The following RABGAP1 variants were observed in gnomAD, a reference collection of about 807,000 sequenced individuals.
RABGAP1 encodes rab GTPase-activating protein 1.
In RABGAP1, 23 loss-of-function variants were observed where a neutral mutation model predicts 137.6. The observed-to-expected ratio is 0.17, with a 90% CI of 0.12 to 0.24. RABGAP1 has a LOEUF of 0.24. RABGAP1 is among the 10% of genes least tolerant of loss of function. The pLI is 1.00. For missense variants in RABGAP1, 906 were observed against 1,275.8 expected (o/e 0.71, Z 4.42); for synonymous variants, 451 against 450.7 (o/e 1.00, Z -0.01).
At chr9:123,052,826 G>A (rs1191098366) in intron 13 of RABGAP1, among the ~76,000 whole-genome samples, 1 of 152,330 alleles carries the variant, frequency 6.6e-6, no homozygotes, top group East Asian at 1.9e-4. Context: ...TGTAATCCCA[G>A]CTACTTGGGA....
chr9:123,091,908 C>T (rs1472546409), intron 21 of RABGAP1, among the ~76,000 whole-genome samples: 3 of 152,084 alleles, frequency 2.0e-5, no homozygotes, highest in South Asian at 4.1e-4. Flanking sequence ...TCATTCTCTC[C>T]CTGTTCGGGT....
At chr9:122,954,212 G>A (rs1834396752) in intron 1 of RABGAP1, among the ~76,000 whole-genome samples, 1 of 152,196 alleles carries the variant, frequency 6.6e-6, no homozygotes, top group Admixed American at 6.5e-5. Flanking sequence ...CAGAAGTGCA[G>A]CAAGTTCTGG....
chr9:123,097,143 A>G (rs1009712019), intron 21 of RABGAP1, among the ~76,000 whole-genome samples: 9 of 152,118 alleles, frequency 5.9e-5, no homozygotes, highest in African/African-American at 2.2e-4. Context: ...AAAGTATATC[A>G]TTTTCACTAG....
intron 13 of RABGAP1, among the ~76,000 whole-genome samples, chr9:123,044,144 C>A (rs1240490261): frequency 6.6e-6 from 1 of 152,014 alleles, no homozygotes; most frequent in Non-Finnish European, 1.5e-5. Context: ...ACCTCGTGAT[C>A]CGCCCATCTC....
At chr9:123,006,933 T>C (rs2030331133) in intron 10 of RABGAP1, among the ~76,000 whole-genome samples, 1 of 152,108 alleles carries the variant, frequency 6.6e-6, no homozygotes, top group Admixed American at 6.5e-5. Context: ...TAATATGTTT[T>C]TATATCTGGT....
chr9:122,974,213 T>C (rs1274738711), intron 2 of RABGAP1, among the ~76,000 whole-genome samples: 1 of 152,030 alleles, frequency 6.6e-6, no homozygotes, highest in Non-Finnish European at 1.5e-5. Flanking sequence ...TGTGAGAATG[T>C]AATTGTTGCC....
chr9:122,982,350 CAT>C (rs1011213246), intron 2 of RABGAP1, among the ~76,000 whole-genome samples: 7 of 152,148 alleles, frequency 4.6e-5, no homozygotes, highest in African/African-American at 1.7e-4. Context: ...AAGGTATAAA[CAT>C]GTTTTCTTTT....
intron 21 of RABGAP1, among the ~76,000 whole-genome samples, chr9:123,095,226 CAAAAAAAAAAAAAAA>C (rs55675466): frequency 1.6e-5 from 1 of 61,252 alleles, no homozygotes; most frequent in Non-Finnish European, 3.1e-5. Flanking sequence ...AACCTTGTCC[CAAAAAAAAAAAAAAA>C]AAAAAAAAAA....
chr9:122,934,401 T>A, the RABGAP1 span, among the ~76,000 whole-genome samples: 3 of 152,202 alleles, frequency 2.0e-5, no homozygotes, highest in Non-Finnish European at 4.4e-5. Flanking sequence ...TTTCAATCTA[T>A]TTGTGTCTTT....
intron 22 of RABGAP1, 74 bp downstream of exon 22, chr9:123,097,919 T>C: frequency 1.5e-6 from 2 of 1,305,134 alleles, no homozygotes; most frequent in Non-Finnish European, 2.1e-6. Flanking sequence ...GGCTTCCTGT[T>C]GGCACTAGAA....
intron 19 of RABGAP1, among the ~76,000 whole-genome samples, chr9:123,078,246 GA>G (rs368552501): frequency 2.8e-3 from 409 of 144,524 alleles, no homozygotes; most frequent in African/African-American, 7.9e-3. Context: ...TAGTGGATTA[GA>G]AAAAAAAAAG....
intron 19 of RABGAP1, among the ~76,000 whole-genome samples, chr9:123,084,523 C>A (rs143646449): frequency 4.6e-5 from 7 of 152,330 alleles, no homozygotes; most frequent in Non-Finnish European, 1.0e-4. Flanking sequence ...AGCAGAGATT[C>A]TGATTTTGGC....
At chr9:123,016,477 A>G (rs118123602) in intron 12 of RABGAP1, among the ~76,000 whole-genome samples, 2,434 of 152,328 alleles carry the variant, frequency 0.016, 36 homozygotes, top group South Asian at 0.066. Context: ...ACTGCACTCC[A>G]GCCTGGGTGA....
chr9:123,034,916 T>C, intron 13 of RABGAP1: 1 of 1,613,270 alleles, frequency 6.2e-7, no homozygotes, highest in African/African-American at 1.3e-5. Flanking sequence ...AGCGTCTCCA[T>C]GGCTTCTCTG....
chr9:123,090,012 C>T (rs775890759), intron 20 of RABGAP1, among the ~76,000 whole-genome samples, 162 bp downstream of exon 20: 2 of 152,140 alleles, frequency 1.3e-5, no homozygotes, highest in Non-Finnish European at 2.9e-5. Context: ...TGCTTCAAAC[C>T]AGCTGCCTGG....
At chr9:122,980,254 G>C (rs546051010) in intron 2 of RABGAP1, among the ~76,000 whole-genome samples, 4 of 152,150 alleles carry the variant, frequency 2.6e-5, no homozygotes, top group Non-Finnish European at 5.9e-5. Context: ...ATACCATTAA[G>C]GACCCAATTT....
chr9:122,933,648 A>G, the RABGAP1 span, among the ~76,000 whole-genome samples: 7 of 151,760 alleles, frequency 4.6e-5, no homozygotes, highest in African/African-American at 1.2e-4. Flanking sequence ...ATTTTCTGTG[A>G]CAGAGTCTTG....
intron 13 of RABGAP1, among the ~76,000 whole-genome samples, chr9:123,055,136 T>C (rs1199641015): frequency 6.6e-6 from 1 of 152,186 alleles, no homozygotes; most frequent in Non-Finnish European, 1.5e-5. Flanking sequence ...TCTCTTCTCC[T>C]CCATTTATTT....
intron 8 of RABGAP1, 32 bp from the exon 9 acceptor site, chr9:122,997,227 C>T (rs999434833): frequency 1.3e-6 from 2 of 1,517,170 alleles, no homozygotes; most frequent in East Asian, 2.3e-5. Context: ...CTCACTGTGG[C>T]ATTCGGGTTT....
Sources: gnomAD v4.1 joint callset for allele counts (sites outside exome capture counted in the v4.1 genomes callset) on GRCh38, gnomAD v4.1.1 for gene constraint, MANE v1.5 for transcripts, NCBI Gene and HGNC (gene_info 2026-07-23, HGNC 2026-07-21) for gene names.